CAMKMT: variants seen among roughly 807,000 people sequenced by gnomAD.
The protein encoded by CAMKMT is CaM KMT.
In CAMKMT, 53 loss-of-function variants were observed where a neutral mutation model predicts 48.0. The ratio of observed to expected loss-of-function variants is 1.10; its 90% CI spans 0.89 to 1.39. The LOEUF is 1.39. Among genes scored for constraint, CAMKMT ranks in the 40% most tolerant of loss-of-function variants. CAMKMT has a pLI of 0.00. For synonymous variants in CAMKMT, 165 were observed against 152.3 expected (o/e 1.08, Z -0.61); for missense variants, 428 against 402.7 (o/e 1.06, Z -0.54).
intron 3 of CAMKMT, among the ~76,000 whole-genome samples, chr2:44,643,225 T>G (rs916579414): frequency 6.6e-6 from 1 of 152,168 alleles, no homozygotes; most frequent in East Asian, 1.9e-4. Flanking sequence ...TTAATGAAAA[T>G]AAGATTTTCC....
chr2:44,456,440 C>G (rs1667566906), intron 3 of CAMKMT: 2 of 1,230,958 alleles, frequency 1.6e-6, no homozygotes, highest in East Asian at 2.6e-5. Context: ...CTCTTACCCT[C>G]TATTTCTCAG....
chr2:44,711,045 T>C (rs1573136294), intron 6 of CAMKMT, among the ~76,000 whole-genome samples: 1 of 152,300 alleles, frequency 6.6e-6, no homozygotes, highest in East Asian at 1.9e-4. Flanking sequence ...ACATTATTTT[T>C]ATTTAATACA....
chr2:44,362,242 C>G, intron 1 of CAMKMT, 97 bp downstream of exon 1: 2 of 1,111,608 alleles, frequency 1.8e-6, no homozygotes, highest in Non-Finnish European at 2.4e-6. Flanking sequence ...CTTGGCAGCT[C>G]TGGGAGACCC....
chr2:44,368,261 G>T (rs1387559574), intron 1 of CAMKMT, among the ~76,000 whole-genome samples: 1 of 152,170 alleles, frequency 6.6e-6, no homozygotes, highest in African/African-American at 2.4e-5. Context: ...TTTGAAGGAG[G>T]TCTTCTAAAA....
chr2:44,561,252 C>T (rs1368170448), intron 3 of CAMKMT, among the ~76,000 whole-genome samples: 3 of 152,172 alleles, frequency 2.0e-5, no homozygotes, highest in Non-Finnish European at 4.4e-5. Flanking sequence ...ATTACTACGT[C>T]TTACCAAAAT....
intron 3 of CAMKMT, among the ~76,000 whole-genome samples, chr2:44,530,908 A>C (rs1448106174): frequency 1.3e-5 from 2 of 152,030 alleles, no homozygotes; most frequent in African/African-American, 4.8e-5. Context: ...ATTATTATTA[A>C]TAATTTCATA....
intron 8 of CAMKMT, among the ~76,000 whole-genome samples, chr2:44,751,421 T>G (rs1183127996): frequency 2.0e-5 from 3 of 152,190 alleles, no homozygotes; most frequent in Non-Finnish European, 4.4e-5. Flanking sequence ...AACCTCTCTG[T>G]GCCTCCATTT....
chr2:44,418,157 A>G (rs1175821811), intron 3 of CAMKMT, among the ~76,000 whole-genome samples: 1 of 148,040 alleles, frequency 6.8e-6, no homozygotes, highest in Non-Finnish European at 1.5e-5. Context: ...GCGCCATTGC[A>G]CTCTAGCCTG....
At chr2:44,742,635 T>C (rs1679741328) in intron 7 of CAMKMT, among the ~76,000 whole-genome samples, 1 of 152,178 alleles carries the variant, frequency 6.6e-6, no homozygotes, top group Non-Finnish European at 1.5e-5. Flanking sequence ...TAATCTTTTC[T>C]ACCTTGAGAA....
At chr2:44,619,237 T>G (rs1672049172) in intron 3 of CAMKMT, among the ~76,000 whole-genome samples, 1 of 152,214 alleles carries the variant, frequency 6.6e-6, no homozygotes, top group Non-Finnish European at 1.5e-5. Context: ...AGTCTGCATT[T>G]GAACTTAAAG....
intron 6 of CAMKMT, among the ~76,000 whole-genome samples, chr2:44,712,752 C>T (rs1406799724): frequency 6.6e-6 from 1 of 152,084 alleles, no homozygotes; most frequent in Non-Finnish European, 1.5e-5. Context: ...CGATTTGGCC[C>T]GTTGTGTTGA....
At chr2:44,373,042 A>C (rs888310488) in intron 2 of CAMKMT, among the ~76,000 whole-genome samples, 154 bp downstream of exon 2, 4 of 152,186 alleles carry the variant, frequency 2.6e-5, no homozygotes, top group Non-Finnish European at 5.9e-5. Context: ...AAATCCTGCT[A>C]TTTTAACTGG....
intron 3 of CAMKMT, among the ~76,000 whole-genome samples, chr2:44,436,203 G>A (rs1406958965): frequency 6.6e-6 from 1 of 152,134 alleles, no homozygotes; most frequent in African/African-American, 2.4e-5. Flanking sequence ...AGCCACCTGA[G>A]TAACTGGGAC....
intron 3 of CAMKMT, among the ~76,000 whole-genome samples, chr2:44,524,135 C>A (rs1485630821): frequency 6.6e-6 from 1 of 152,100 alleles, no homozygotes; most frequent in African/African-American, 2.4e-5. Flanking sequence ...TCTGACCTAG[C>A]CTCAGAAGTC....
At chr2:44,678,699 T>G (rs1675856549) in intron 3 of CAMKMT, among the ~76,000 whole-genome samples, 1 of 152,228 alleles carries the variant, frequency 6.6e-6, no homozygotes, top group Non-Finnish European at 1.5e-5. Context: ...TTTTATCTCA[T>G]GAGTAAGACT....
At position 44,697,876 on chromosome 2, in the gene CAMKMT, A is replaced by C. The variant is rs143787738; in HGVS notation, c.377-6407A>C. 3.9e-5 allele frequency among the ~76,000 whole-genome samples: 6 copies of C among 152,292 alleles called. No individual in the cohort carries two copies. The East Asian group carries it at 1.2e-3, about 29-fold the overall frequency. On this transcript the variant is annotated intron_variant, in intron 3 of 10. Coordinates refer to ENST00000378494, the MANE Select transcript of CAMKMT (RefSeq NM_024766.5). Reference sequence around the variant, plus strand: ...AACAATACAAACTTATTATGTAGAAATATAAACACAATTACCAGAAGAGTT... The same window carrying C: ...AACAATACAAACTTATTATGTAGAACTATAAACACAATTACCAGAAGAGTT...
At chr2:44,632,457 G>C (rs1672889046) in intron 3 of CAMKMT, among the ~76,000 whole-genome samples, 1 of 152,106 alleles carries the variant, frequency 6.6e-6, no homozygotes, top group South Asian at 2.1e-4. Context: ...TGATGTTATA[G>C]ATACACATAG....
rs538871486 is a variant in CAMKMT, at chr2:44,413,650, T to C, written c.376+23345T>C. Among the ~76,000 whole-genome samples the C allele has an allele frequency of 1.9e-3, 258 of 138,124 alleles. No individual in the cohort carries two copies. The Middle Eastern group carries it at 0.027, about 15-fold the overall frequency. 90.6% of individuals were successfully genotyped at this position (138,124 alleles called of 152,430 possible). A position where few individuals can be genotyped will look rare whatever the true frequency, so the allele number is the denominator to read the frequency against. On this transcript the variant is annotated intron_variant, in intron 3 of 10. Transcript: ENST00000378494. ...CAGGGTGACAGAGTGAGACTCCGTC[T>C]CAAAAAAAAAAAAAAGAAAAGAAAA...
chr2:44,743,843 A>C (rs760755412), intron 8 of CAMKMT, 147 bp downstream of exon 8: 3 of 582,636 alleles, frequency 5.1e-6, no homozygotes, highest in Non-Finnish European at 9.3e-6. Flanking sequence ...ATTCATCTCC[A>C]TGTGACAGTT....
Sources: gnomAD v4.1 joint callset for allele counts (sites outside exome capture counted in the v4.1 genomes callset) on GRCh38, gnomAD v4.1.1 for gene constraint, MANE v1.5 for transcripts, NCBI Gene and HGNC (gene_info 2026-07-23, HGNC 2026-07-21) for gene names.